Variants in HSPA9 observed in about 807,000 individuals in gnomAD.
HSPA9 encodes stress-70 protein, mitochondrial.
A neutral mutation model predicts 81.5 loss-of-function variants in HSPA9; 28 were observed. The observed-to-expected ratio is 0.34, with a 90% confidence interval of 0.25 to 0.47. The LOEUF is 0.47. HSPA9 is among the 20% of genes least tolerant of loss of function. The pLI is 1.00. For synonymous variants in HSPA9, 293 were observed against 290.4 expected (o/e 1.01, Z -0.09); for missense variants, 678 against 838.0 (o/e 0.81, Z 2.36).
Position 138,558,667 on chromosome 5 carries a change from A to G in HSPA9, c.1411-10T>C. The G allele has an allele frequency of 1.3e-6, 2 of 1,553,860 alleles. No homozygotes were observed. The highest frequency in any genetic ancestry group is 1.8e-6 in the Non-Finnish European group (2 of 1,125,056). On this transcript the variant is annotated splice_polypyrimidine_tract_variant and intron_variant, in intron 11 of 16. Transcript: ENST00000297185. ...CGGCAGTAGAGAATACCTAGGGAAG[A>G]AGAAACCCTCCTGGGTTGTCAATGT...
At chr5:138,571,232 G>T in intron 3 of HSPA9, 91 bp from the exon 4 acceptor site, 1 of 1,302,036 alleles carries the variant, frequency 7.7e-7, no homozygotes, top group Non-Finnish European at 1.1e-6. Flanking sequence ...TAAGGCTGGA[G>T]TACAATGGCA....
chr5:138,562,925 C>T (rs1750689934), intron 9 of HSPA9, among the ~76,000 whole-genome samples: 1 of 152,214 alleles, frequency 6.6e-6, no homozygotes, highest in Non-Finnish European at 1.5e-5. Flanking sequence ...GAGCAGCTGA[C>T]AGTCACACCA....
chr5:138,575,101 G>T (rs1203571923), intron 1 of HSPA9, 137 bp downstream of exon 1: 3 of 656,414 alleles, frequency 4.6e-6, no homozygotes, highest in East Asian at 2.7e-5. Context: ...GCTAACTATG[G>T]AAGGCCCGTT....
At chr5:138,572,105 C>T (rs1218904216) in intron 3 of HSPA9, among the ~76,000 whole-genome samples, 1 of 151,854 alleles carries the variant, frequency 6.6e-6, no homozygotes, top group Non-Finnish European at 1.5e-5. Context: ...TACAGGGGCA[C>T]ACCACTATGC....
intron 11 of HSPA9, among the ~76,000 whole-genome samples, chr5:138,559,393 G>A (rs1750604112): frequency 6.6e-6 from 1 of 152,182 alleles, no homozygotes; most frequent in African/African-American, 2.4e-5. Flanking sequence ...ATGAGCCACG[G>A]TGCCCAGCCA....
intron 15 of HSPA9, 49 bp downstream of exon 15, chr5:138,556,725 T>C (rs1281136663): frequency 2.6e-6 from 4 of 1,561,672 alleles, no homozygotes; most frequent in Non-Finnish European, 3.5e-6. Context: ...TTCACTGGCA[T>C]TGGTAAAAAT....
chr5:138,572,847 G>A (rs1184479799), intron 3 of HSPA9, among the ~76,000 whole-genome samples: 1 of 151,872 alleles, frequency 6.6e-6, no homozygotes, highest in Non-Finnish European at 1.5e-5. Context: ...CCATGTGGAA[G>A]TAAAGATTCT....
At chr5:138,575,057 G>GGCAAAA in intron 1 of HSPA9, 181 bp downstream of exon 1, 1 of 614,774 alleles carries the variant, frequency 1.6e-6, no homozygotes, top group South Asian at 2.0e-5. Flanking sequence ...CCAAGCCGGA[G>GGCAAAA]GCAAAACCTT....
rs765691285 is a variant in HSPA9, at chr5:138,575,197, C to T, written c.81+41G>A. ...CGCAGCGAAGCCCGAGGCCCAAGGC[C>T]CGAGGCCGTGACCCCATTCGGGAAG... On this transcript the variant is annotated intron_variant, in intron 1 of 16. Transcript: ENST00000297185. 2.8e-6 allele frequency: 4 copies of T among 1,436,124 alleles called. No individual in the cohort carries two copies. In the East Asian group the frequency reaches 7.0e-5, roughly 25 times the overall value. 89.0% of individuals were successfully genotyped at this position (1,436,124 alleles called of 1,614,324 possible). A position where few individuals can be genotyped will look rare whatever the true frequency, so the allele number is the denominator to read the frequency against.
rs1426797576 is a variant in HSPA9, at chr5:138,555,367, A to C, written c.*670T>G. On this transcript the variant is annotated 3_prime_UTR_variant, in exon 17 of 17. Transcript: ENST00000297185. ...GCTTTCTGTATTTATTTAAAAAAAA[A>C]AAAATTCCAGAATGGGTAAGAGAAC... is the stretch of plus-strand genomic sequence containing the variant. The C allele has an allele frequency of 6.6e-6, 1 of 152,276 alleles. No homozygotes were observed. The highest frequency in any genetic ancestry group is 1.5e-5 in the Non-Finnish European group (1 of 68,082). 9.4% of individuals were successfully genotyped at this position (152,276 alleles called of 1,614,324 possible).
rs1260395291 is a variant in HSPA9, at chr5:138,561,837, G to A, written c.973-48C>T. The A allele has an allele frequency of 7.8e-6, 11 of 1,404,320 alleles. No individual in the cohort carries two copies. The Middle Eastern group carries it at 5.3e-4, about 68-fold the overall frequency. The allele number at this position is 1,404,320 out of a possible 1,614,324, so 87.0% of individuals were successfully genotyped here. ...CATGTCAGCGAGCAGGCCAAATGAC[G>A]GTTACATTTATTATTTCAACTAAAA... On this transcript the variant is annotated intron_variant, in intron 9 of 16. Coordinates refer to ENST00000297185, the MANE Select transcript of HSPA9 (RefSeq NM_004134.7).
rs1421929276 is a variant in HSPA9 at position 138,554,681 on chromosome 5, T to C, written c.*1356A>G. Among the ~76,000 whole-genome samples, 1 of 152,248 alleles carries C rather than the reference T, an allele frequency of 6.6e-6. No homozygotes were observed. Among genetic ancestry groups the C allele is most frequent in the Non-Finnish European group, 1.5e-5 (1 of 68,048 alleles). On this transcript the variant is annotated 3_prime_UTR_variant, in exon 17 of 17. Coordinates refer to ENST00000297185, the MANE Select transcript of HSPA9 (RefSeq NM_004134.7). ...TGTGTCTGATATTCTAAGCCCATCT[T>C]GATAACAGACTCTTTTGAACATGGC...
At chr5:138,574,306 A>G in intron 1 of HSPA9, 180 bp from the exon 2 acceptor site, 1 of 645,334 alleles carries the variant, frequency 1.5e-6, no homozygotes, top group Non-Finnish European at 2.7e-6. Flanking sequence ...ATCACATTAC[A>G]GTAGGATTTC....
chr5:138,558,649 A>G lies in HSPA9; in HGVS notation c.1419T>C (p.Ser473=). Residue 473 remains serine (S), a synonymous_variant, in exon 12 of 17, where the codon TCT becomes TCC. Transcript: ENST00000297185. ...TIPTKKSQVF[S]TAADGQTQVE... ...CTTGCGTTTGACCATCAGCGGCAGT[A>G]GAGAATACCTAGGGAAGAAGAAACC... 2.5e-6 allele frequency: 4 copies of G among 1,607,348 alleles called. No homozygotes were observed. The highest frequency in any genetic ancestry group is 3.4e-6 in the Non-Finnish European group (4 of 1,173,808).
chr5:138,571,986 TCTCA>T (rs1204892185), intron 3 of HSPA9, among the ~76,000 whole-genome samples: 12 of 66,138 alleles, frequency 1.8e-4, no homozygotes, highest in South Asian at 1.5e-3. Flanking sequence ...TGAGACAGAG[TCTCA>T]CTGTCACCTA....
chr5:138,561,098 T>C (rs766712967), intron 10 of HSPA9: 4 of 492,976 alleles, frequency 8.1e-6, no homozygotes, highest in South Asian at 1.4e-5. Flanking sequence ...TTGAATAAAA[T>C]ACATCATTGC....
intron 10 of HSPA9, among the ~76,000 whole-genome samples, 160 bp from the exon 11 acceptor site, chr5:138,560,251 C>G (rs1750625175): frequency 6.6e-6 from 1 of 152,240 alleles, no homozygotes; most frequent in African/African-American, 2.4e-5. Context: ...TGGGTTCCTG[C>G]TAATGATCTT....
At position 138,575,325 on chromosome 5, in the gene HSPA9, T is replaced by C. The variant is rs932271320; in HGVS notation, c.-7A>G. 6.2e-6 allele frequency: 10 copies of C among 1,609,684 alleles called. No homozygotes were observed. The highest frequency in any genetic ancestry group is 8.5e-6 in the Non-Finnish European group (10 of 1,177,990). ...CTCGGCTGGCACTTATCATGGCGGA[T>C]AAATGGAGGAGTACGAGGCAGCAAA... On this transcript the variant is annotated 5_prime_UTR_variant, in exon 1 of 17. Transcript: ENST00000297185.
At chr5:138,560,977 G>T (rs1422251857) in intron 10 of HSPA9, 3 of 421,286 alleles carry the variant, frequency 7.1e-6, no homozygotes, top group Non-Finnish European at 1.5e-5. Context: ...AAAAAACAAG[G>T]TCACTATCTT....
Sources: allele counts gnomAD v4.1 joint callset (sites outside exome capture counted in the v4.1 genomes callset), GRCh38; gene constraint gnomAD v4.1.1; transcripts MANE v1.5; gene names NCBI Gene and HGNC (gene_info 2026-07-23, HGNC 2026-07-21).